Variants in SYTL2 observed in about 807,000 individuals in gnomAD.
SYTL2 encodes synaptotagmin-like protein 2.
In SYTL2, 165 loss-of-function variants were observed where a neutral mutation model predicts 198.7. The observed-to-expected ratio is 0.83, with a 90% confidence interval of 0.73 to 0.94. The LOEUF is 0.94. SYTL2 is among the 40% of genes least tolerant of loss of function. SYTL2 has a pLI of 0.00. For missense variants in SYTL2, 2,835 were observed against 2,582.8 expected (o/e 1.10, Z -2.12); for synonymous variants, 966 against 917.7 (o/e 1.05, Z -0.95).
intron 11 of SYTL2, chr11:85,717,135 A>G: frequency 6.0e-6 from 1 of 165,290 alleles, no homozygotes; most frequent in Non-Finnish European, 1.3e-5. Flanking sequence ...AATACTCAAA[A>G]TCATACTGCA....
chr11:85,758,718 G>A (rs1308392440), intron 1 of SYTL2, among the ~76,000 whole-genome samples: 2 of 152,162 alleles, frequency 1.3e-5, no homozygotes, highest in African/African-American at 2.4e-5. Context: ...ATAAACTGGA[G>A]GAAAGGAAGA....
chr11:85,833,990 C>T, the SYTL2 span, among the ~76,000 whole-genome samples: 7 of 151,990 alleles, frequency 4.6e-5, no homozygotes, highest in Admixed American at 1.3e-4. Flanking sequence ...CCACCCATCT[C>T]GGCCTCCCAA....
intron 1 of SYTL2, among the ~76,000 whole-genome samples, chr11:85,796,328 C>T (rs1469925427): frequency 6.6e-6 from 1 of 152,156 alleles, no homozygotes; most frequent in Non-Finnish European, 1.5e-5. Context: ...ATCTGACACA[C>T]CATAGAAACT....
chr11:85,793,334 G>A (rs1453107763), intron 1 of SYTL2, among the ~76,000 whole-genome samples: 2 of 152,172 alleles, frequency 1.3e-5, no homozygotes, highest in Non-Finnish European at 2.9e-5. Context: ...ACTGGTGTGA[G>A]ATGGTATCTC....
chr11:85,798,485 C>T (rs2092836810), intron 1 of SYTL2, among the ~76,000 whole-genome samples: 1 of 152,136 alleles, frequency 6.6e-6, no homozygotes, highest in Non-Finnish European at 1.5e-5. Flanking sequence ...AAACAATTGG[C>T]TTCACATATG....
chr11:85,708,140 T>G (rs920788424), intron 14 of SYTL2: 3 of 425,438 alleles, frequency 7.1e-6, no homozygotes, highest in Non-Finnish European at 1.4e-5. Context: ...GCAACAACAG[T>G]GAAACTCCAC....
At chr11:85,820,895 G>A in the SYTL2 span, among the ~76,000 whole-genome samples, 1 of 152,182 alleles carries the variant, frequency 6.6e-6, no homozygotes, top group Non-Finnish European at 1.5e-5. Context: ...AGACATATAA[G>A]AGTTCAGTGC....
At chr11:85,790,855 T>C (rs2092717965) in intron 1 of SYTL2, among the ~76,000 whole-genome samples, 2 of 152,046 alleles carry the variant, frequency 1.3e-5, no homozygotes, top group South Asian at 4.1e-4. Context: ...CAAATGTGTA[T>C]CTTCCAATAA....
chr11:85,810,391 T>TA (rs1335176401), intron 1 of SYTL2, among the ~76,000 whole-genome samples: 2 of 152,258 alleles, frequency 1.3e-5, no homozygotes, highest in Non-Finnish European at 1.5e-5. Flanking sequence ...TCTTAGACGC[T>TA]AAAAACAGTC....
chr11:85,844,028 C>T, the SYTL2 span, among the ~76,000 whole-genome samples: 60 of 152,246 alleles, frequency 3.9e-4, no homozygotes, highest in Non-Finnish European at 6.8e-4. Flanking sequence ...CAGGGGCATT[C>T]GATAGAAGAA....
intron 1 of SYTL2, among the ~76,000 whole-genome samples, chr11:85,784,615 C>T (rs367678485): frequency 2.0e-5 from 3 of 152,126 alleles, no homozygotes; most frequent in South Asian, 4.1e-4. Context: ...TTATATTATT[C>T]TCTAACATAA....
At chr11:85,782,840 T>C (rs1164316001) in intron 1 of SYTL2, among the ~76,000 whole-genome samples, 1 of 152,218 alleles carries the variant, frequency 6.6e-6, no homozygotes, top group African/African-American at 2.4e-5. Context: ...CCCAACAAGT[T>C]CTTCATCTCC....
chr11:85,834,804 C>G, the SYTL2 span, among the ~76,000 whole-genome samples: 1 of 151,316 alleles, frequency 6.6e-6, no homozygotes, highest in Non-Finnish European at 1.5e-5. Context: ...CTCTGTCACC[C>G]AGGTTGGAAT....
At chr11:85,775,260 C>T (rs903259260) in intron 1 of SYTL2, among the ~76,000 whole-genome samples, 6 of 152,132 alleles carry the variant, frequency 3.9e-5, no homozygotes, top group African/African-American at 1.4e-4. Flanking sequence ...TCCTGAATGA[C>T]AGTATCCTCT....
chr11:85,836,517 A>C, the SYTL2 span, among the ~76,000 whole-genome samples: 1 of 152,028 alleles, frequency 6.6e-6, no homozygotes, highest in Non-Finnish European at 1.5e-5. Flanking sequence ...ATTAAGAATA[A>C]TGGTAATCAA....
At chr11:85,759,963 T>C (rs1261940463) in intron 1 of SYTL2, among the ~76,000 whole-genome samples, 2 of 152,200 alleles carry the variant, frequency 1.3e-5, no homozygotes, top group Non-Finnish European at 2.9e-5. Context: ...AACAGAACTA[T>C]ACTATCATGT....
At chr11:85,795,581 T>C (rs758204253) in intron 1 of SYTL2, among the ~76,000 whole-genome samples, 20 of 152,214 alleles carry the variant, frequency 1.3e-4, no homozygotes, top group Non-Finnish European at 2.8e-4. Flanking sequence ...GTGCTGCTTA[T>C]GTTAAAAAAA....
chr11:85,764,243 T>C (rs919580962), intron 1 of SYTL2, among the ~76,000 whole-genome samples: 1 of 152,212 alleles, frequency 6.6e-6, no homozygotes, highest in Non-Finnish European at 1.5e-5. Context: ...CCCTCAACTG[T>C]TCCTCACATG....
chr11:85,729,756 G>A (rs2089606720), intron 7 of SYTL2, among the ~76,000 whole-genome samples: 1 of 152,142 alleles, frequency 6.6e-6, no homozygotes, highest in Non-Finnish European at 1.5e-5. Context: ...AGAACTGAAG[G>A]AGATAGTGAC....
Sources: gnomAD v4.1 joint callset for allele counts (sites outside exome capture counted in the v4.1 genomes callset) on GRCh38, gnomAD v4.1.1 for gene constraint, MANE v1.5 for transcripts, NCBI Gene and HGNC (gene_info 2026-07-23, HGNC 2026-07-21) for gene names.